GPRC5A: variants seen among roughly 807,000 people sequenced by gnomAD.
GPRC5A encodes the protein retinoic acid-induced protein 3.
Under a neutral mutation model 22.5 loss-of-function variants are expected in GPRC5A, and 19 were observed. That is an observed-to-expected ratio of 0.85 (90% CI 0.59 to 1.24). The LOEUF is 1.24. Among genes scored for constraint, GPRC5A ranks in the 50% most tolerant of loss-of-function variants. The probability of loss-of-function intolerance (pLI) is 0.00; values close to 1 mark genes in which losing one functional copy is unlikely to be tolerated. For synonymous variants in GPRC5A, 192 were observed against 184.5 expected (o/e 1.04, Z -0.33); for missense variants, 471 against 451.1 (o/e 1.04, Z -0.40).
rs1864043166 is a variant in GPRC5A, at chr12:12,914,599, TCTC to T, written c.*2061_*2063del. 7 of 146,944 alleles carry T rather than the reference TCTC, an allele frequency of 4.8e-5. No homozygotes were observed. The highest frequency in any genetic ancestry group is 2.0e-4 in the East Asian group (1 of 5,084). The allele number at this position is 146,944 out of a possible 1,614,324, so 9.1% of individuals were successfully genotyped here. On this transcript the variant is annotated 3_prime_UTR_variant, in exon 4 of 4. Transcript: ENST00000014914. ...TTCTTTCTTTCTTTCTTTCTTTCTC[TCTC>T]TCTCTCTCTCTCTCTTTCTTTCTTT... is the stretch of plus-strand genomic sequence containing the variant.
intron 1 of GPRC5A, among the ~76,000 whole-genome samples, chr12:12,900,453 C>A (rs759181659): frequency 7.9e-5 from 12 of 152,126 alleles, no homozygotes; most frequent in Non-Finnish European, 1.5e-4. Context: ...CACAGCCTGG[C>A]AGCTGAAACC....
chr12:12,915,884 A>C lies in GPRC5A; in HGVS notation c.*3345A>C. 1 of 527,282 alleles carries C rather than the reference A, an allele frequency of 1.9e-6. No individual in the cohort carries two copies. The highest frequency in any genetic ancestry group is 2.0e-5 in the Admixed American group (1 of 51,126). 32.7% of individuals were successfully genotyped at this position (527,282 alleles called of 1,614,324 possible). On this transcript the variant is annotated 3_prime_UTR_variant, in exon 4 of 4. Coordinates refer to ENST00000014914, the MANE Select transcript of GPRC5A (RefSeq NM_003979.4). ...CAGGGGCAGGCCAGCCCTGCACTGA[A>C]CGCCTGTTCTTGCCAGGTGGCAGAA...
At chr12:12,901,525 C>T (rs1164291721) in intron 1 of GPRC5A, among the ~76,000 whole-genome samples, 4 of 152,070 alleles carry the variant, frequency 2.6e-5, no homozygotes, top group Admixed American at 6.6e-5. Context: ...ACACACCGAG[C>T]GCCATTCTCT....
At chr12:12,900,020 C>T (rs1863865086) in intron 1 of GPRC5A, among the ~76,000 whole-genome samples, 1 of 152,344 alleles carries the variant, frequency 6.6e-6, no homozygotes, top group South Asian at 2.1e-4. Flanking sequence ...GAAGAGGAGT[C>T]TCAGGTTAGA....
chr12:12,913,949 C>G lies in GPRC5A; in HGVS notation c.*1410C>G, dbSNP rs916202863. 6.6e-6 allele frequency: 1 copy of G among 152,148 alleles called. No homozygotes were observed. Among genetic ancestry groups the G allele is most frequent in the Non-Finnish European group, 1.5e-5 (1 of 68,030 alleles). 9.4% of individuals were successfully genotyped at this position (152,148 alleles called of 1,614,324 possible). ...AAAGGCAGGGAGGAGAGCTCAAAGCCGGTTTCATGTTTCACCCAAGGTCTA... is the reference window on the plus strand; with the variant it reads ...AAAGGCAGGGAGGAGAGCTCAAAGCGGGTTTCATGTTTCACCCAAGGTCTA... On this transcript the variant is annotated 3_prime_UTR_variant, in exon 4 of 4. Transcript: ENST00000014914.
At position 12,908,929 on chromosome 12, in the gene GPRC5A, G is replaced by A; in HGVS notation, c.680G>A (p.Trp227Ter). ...CTCTCCATTGCCATCTGGGTGGCCTGGATCACCCTGCTCATGCTTCCTGAC... is the reference window on the plus strand; with the variant it reads ...CTCTCCATTGCCATCTGGGTGGCCTAGATCACCCTGCTCATGCTTCCTGAC... ...MLLSIAIWVA[W>*]ITLLMLPDFD... The change falls in exon 2 of 4, where the codon TGG (tryptophan) becomes TAG (stop). Residue 227 changes from tryptophan to a stop codon, truncating the protein, a stop_gained. Transcript: ENST00000014914. LOFTEE classifies it high-confidence loss of function. The A allele has an allele frequency of 6.2e-7, 1 of 1,613,892 alleles. No individual in the cohort carries two copies. The highest frequency in any genetic ancestry group is 8.5e-7 in the Non-Finnish European group (1 of 1,179,808).
At chr12:12,901,952 AG>A (rs1482071188) in intron 1 of GPRC5A, among the ~76,000 whole-genome samples, 1 of 152,174 alleles carries the variant, frequency 6.6e-6, no homozygotes, top group African/African-American at 2.4e-5. Context: ...TTCCTGCTCT[AG>A]CCCTTTGCTC....
At chr12:12,897,131 G>T (rs1203112851) in intron 1 of GPRC5A, among the ~76,000 whole-genome samples, 2 of 148,516 alleles carry the variant, frequency 1.3e-5, no homozygotes, top group African/African-American at 5.0e-5. Flanking sequence ...GGAGGCTGAG[G>T]CACAAGAATC....
intron 1 of GPRC5A, among the ~76,000 whole-genome samples, chr12:12,895,374 CT>C (rs11448107): frequency 1.6e-4 from 23 of 140,274 alleles, no homozygotes; most frequent in South Asian, 2.3e-4. Flanking sequence ...ATAGTTTAGT[CT>C]TTTTTTTTTT....
intron 1 of GPRC5A, 92 bp from the exon 2 acceptor site, chr12:12,908,151 T>G (rs1863961763): frequency 1.2e-5 from 10 of 839,578 alleles, no homozygotes; most frequent in Non-Finnish European, 1.8e-5. Flanking sequence ...CATGCAAAAT[T>G]GGTTTCCTAA....
Position 12,916,861 on chromosome 12 carries a change from G to A in GPRC5A, c.*4322G>A, listed in dbSNP as rs1376071187. The A allele has an allele frequency of 6.6e-6, 1 of 152,212 alleles. No homozygotes were observed. The highest frequency in any genetic ancestry group is 1.5e-5 in the Non-Finnish European group (1 of 68,076). The allele number at this position is 152,212 out of a possible 1,614,324, so 9.4% of individuals were successfully genotyped here. A position where few individuals can be genotyped will look rare whatever the true frequency, so the allele number is the denominator to read the frequency against. ...CATTTCCCCCGTGCACTCATTCTGA[G>A]CTTCCTTCCTTCATTTCTGTCATTA... On this transcript the variant is annotated 3_prime_UTR_variant, in exon 4 of 4. Coordinates refer to ENST00000014914, the MANE Select transcript of GPRC5A (RefSeq NM_003979.4).
intron 1 of GPRC5A, among the ~76,000 whole-genome samples, chr12:12,897,004 A>G (rs11055136): frequency 0.43 from 65,890 of 152,030 alleles, 16,451 homozygotes; most frequent in Non-Finnish European, 0.55. Context: ...AGGTAGGTGG[A>G]TCACTTGAGC....
intron 1 of GPRC5A, among the ~76,000 whole-genome samples, chr12:12,902,824 T>C (rs954695152): frequency 6.6e-6 from 1 of 152,102 alleles, no homozygotes; most frequent in African/African-American, 2.4e-5. Context: ...TCCCAGCACT[T>C]TGGGATGCTG....
chr12:12,895,464 T>C (rs4763896), intron 1 of GPRC5A, among the ~76,000 whole-genome samples: 111,330 of 150,886 alleles, frequency 0.74, 41,587 homozygotes, highest in Admixed American at 0.81. Flanking sequence ...ATGGTTTGGT[T>C]GTCTCCATCT....
intron 1 of GPRC5A, among the ~76,000 whole-genome samples, chr12:12,894,637 G>A (rs1275388697): frequency 1.3e-5 from 2 of 152,028 alleles, no homozygotes; most frequent in African/African-American, 4.8e-5. Flanking sequence ...TCAAACTCCT[G>A]GGCTCAAGCA....
At position 12,915,020 on chromosome 12, in the gene GPRC5A, T is replaced by TG. The variant is rs1864049742; in HGVS notation, c.*2481_*2482insG. The TG allele has an allele frequency of 1.4e-5, 2 of 143,726 alleles. No homozygotes were observed. Among genetic ancestry groups the TG allele is most frequent in the African/African-American group, 5.3e-5 (2 of 37,866 alleles). 8.9% of individuals were successfully genotyped at this position (143,726 alleles called of 1,614,324 possible). On this transcript the variant is annotated 3_prime_UTR_variant, in exon 4 of 4. Transcript: ENST00000014914. ...TCACAAAATACTCTGGATCGGCATT[T>TG]TTTTTTTTTTTTTTTTTTGAGACAG...
At chr12:12,911,558 G>A (rs1490697549) in intron 2 of GPRC5A, among the ~76,000 whole-genome samples, 3 of 150,846 alleles carry the variant, frequency 2.0e-5, no homozygotes, top group Middle Eastern at 6.9e-3. Flanking sequence ...GTGCGATCTC[G>A]GCTCACTGCA....
intron 1 of GPRC5A, among the ~76,000 whole-genome samples, chr12:12,906,303 C>A (rs1385360237): frequency 1.3e-5 from 2 of 152,186 alleles, no homozygotes; most frequent in South Asian, 2.1e-4. Flanking sequence ...GGCGGGGTGA[C>A]TCAACACCTA....
intron 1 of GPRC5A, among the ~76,000 whole-genome samples, chr12:12,897,861 C>T (rs560936718): frequency 4.6e-5 from 7 of 152,194 alleles, no homozygotes; most frequent in East Asian, 1.9e-4. Flanking sequence ...CTACCCGCCT[C>T]GGCCTCCCAA....
Sources: gnomAD v4.1 joint callset for allele counts (sites outside exome capture counted in the v4.1 genomes callset) on GRCh38, gnomAD v4.1.1 for gene constraint, MANE v1.5 for transcripts, NCBI Gene and HGNC (gene_info 2026-07-23, HGNC 2026-07-21) for gene names.